Variants in STAT3 observed in about 807,000 individuals in gnomAD.
STAT3 encodes the protein DNA-binding protein APRF.
A neutral mutation model predicts 114.3 loss-of-function variants in STAT3; 7 were observed. The observed-to-expected ratio is 0.06, with a 90% CI of 0.03 to 0.11. The LOEUF is 0.11. STAT3 is among the 10% of genes least tolerant of loss of function. The pLI is 1.00. For missense variants in STAT3, 364 were observed against 960.9 expected, an observed-to-expected ratio of 0.38 and a Z score of 8.21; for synonymous variants, 331 against 354.5, an observed-to-expected ratio of 0.93 and a Z score of 0.74.
chr17:42,386,426 A>AT (rs2085109642), intron 1 of STAT3, among the ~76,000 whole-genome samples: 2 of 152,088 alleles, frequency 1.3e-5, no homozygotes, highest in Non-Finnish European at 2.9e-5. Context: ...TATTAGGGTA[A>AT]TTGTTATGTG....
chr17:42,372,865 A>C (rs966434613), intron 1 of STAT3, among the ~76,000 whole-genome samples: 1 of 152,086 alleles, frequency 6.6e-6, no homozygotes, highest in Non-Finnish European at 1.5e-5. Flanking sequence ...AATAATAATA[A>C]AATAAAAATA....
At chr17:42,351,643 C>G (rs1198789154) in intron 1 of STAT3, among the ~76,000 whole-genome samples, 2 of 152,184 alleles carry the variant, frequency 1.3e-5, no homozygotes, top group African/African-American at 4.8e-5. Flanking sequence ...CCTCATGTAT[C>G]AAGGGCTTAA....
At chr17:42,325,444 A>G (rs1384652462) in intron 15 of STAT3, among the ~76,000 whole-genome samples, 3 of 152,236 alleles carry the variant, frequency 2.0e-5, no homozygotes, top group South Asian at 4.1e-4. Flanking sequence ...TTTTCTAGGT[A>G]TATCTTAATT....
intron 1 of STAT3, among the ~76,000 whole-genome samples, chr17:42,359,631 T>C (rs2145145234): frequency 6.6e-6 from 1 of 152,326 alleles, no homozygotes; most frequent in Middle Eastern, 3.4e-3. Context: ...ATGATTTATA[T>C]AGCACTTTTT....
At chr17:42,335,742 T>C (rs2082203457) in intron 8 of STAT3, among the ~76,000 whole-genome samples, 1 of 152,096 alleles carries the variant, frequency 6.6e-6, no homozygotes, top group South Asian at 2.1e-4. Context: ...CATGGGCCTG[T>C]AATCCCAGCT....
In STAT3 at chr17:42,313,486, TA is replaced by T. The variant is rs751300490; in HGVS notation, c.*2258del. On this transcript the variant is annotated 3_prime_UTR_variant, in exon 24 of 24. Transcript: ENST00000264657. Reference sequence around the variant, plus strand: ...ATGCAGTGGCCAGGACAGCAGCTTATAAACCACCTTATAGGTAGGTAAGCAA... The same window carrying T: ...ATGCAGTGGCCAGGACAGCAGCTTATAACCACCTTATAGGTAGGTAAGCAA... 1 of 219,414 alleles carries T rather than the reference TA, an allele frequency of 4.6e-6. No homozygotes were observed. The highest frequency in any genetic ancestry group is 2.3e-5 in the African/African-American group (1 of 44,210). 13.6% of individuals were successfully genotyped at this position (219,414 alleles called of 1,614,324 possible). A position where few individuals can be genotyped will look rare whatever the true frequency, so the allele number is the denominator to read the frequency against.
At chr17:42,345,799 G>A in intron 3 of STAT3, 142 bp from the exon 4 acceptor site, 1 of 838,352 alleles carries the variant, frequency 1.2e-6, no homozygotes, top group Non-Finnish European at 1.9e-6. Flanking sequence ...CAGAGCCTGG[G>A]TGAAGGCTCT....
intron 17 of STAT3, 142 bp from the exon 18 acceptor site, chr17:42,323,767 G>C (rs918753458): frequency 1.2e-6 from 1 of 813,958 alleles, no homozygotes; most frequent in African/African-American, 1.7e-5. Context: ...AGGCACTGTT[G>C]TGTGTGTGCA....
chr17:42,326,032 T>G, intron 15 of STAT3, 84 bp downstream of exon 15: 2 of 1,233,420 alleles, frequency 1.6e-6, no homozygotes, highest in Non-Finnish European at 2.4e-6. Flanking sequence ...TCATTCCACC[T>G]TCTCTTGTAA....
intron 4 of STAT3, 86 bp from the exon 5 acceptor site, chr17:42,339,495 AC>A (rs2082355439): frequency 7.3e-7 from 1 of 1,367,516 alleles, no homozygotes; most frequent in Non-Finnish European, 1.0e-6. Context: ...CACCCTAACT[AC>A]CCTTCTTGTT....
At chr17:42,331,671 T>G in intron 10 of STAT3, 140 bp from the exon 11 acceptor site, 1 of 718,642 alleles carries the variant, frequency 1.4e-6, no homozygotes, top group Non-Finnish European at 2.4e-6. Context: ...CTCACATCTA[T>G]AATCTCAGCA....
At position 42,337,714 on chromosome 17, in the gene STAT3, C is replaced by CG. The variant is rs1226128834; in HGVS notation, c.645+48dup. 11 of 1,613,476 alleles carry CG rather than the reference C, an allele frequency of 6.8e-6. No individual in the cohort carries two copies. In the African/African-American group the frequency reaches 1.3e-4, roughly 20 times the overall value. On this transcript the variant is annotated intron_variant, in intron 7 of 23. Coordinates refer to ENST00000264657, the MANE Select transcript of STAT3 (RefSeq NM_139276.3). The surrounding 1 kb of genome is among the most constrained non-coding windows in gnomAD (Gnocchi z 4.0). ...GTTCTGCCACAAGACGCTGAAATCC[C>CG]GCAAGTGAGCGAGACACATGGGGGA...
chr17:42,337,395 G>C lies in STAT3; in HGVS notation c.797+40C>G. ...GCAGTTAAGATCAGAATTCAATCTA[G>C]CTTTCGAGAAAGAAAGGAAAAGCTT... On this transcript the variant is annotated intron_variant, in intron 8 of 23. Coordinates refer to ENST00000264657, the MANE Select transcript of STAT3 (RefSeq NM_139276.3). This position sits in a 1 kb window ranked among gnomAD's most constrained non-coding sequence, Gnocchi z 4.0. 1.2e-6 allele frequency: 2 copies of C among 1,610,826 alleles called. No individual in the cohort carries two copies. The highest frequency in any genetic ancestry group is 8.5e-7 in the Non-Finnish European group (1 of 1,177,526).
chr17:42,323,218 C>G (rs2144696364), intron 19 of STAT3, 42 bp downstream of exon 19: 1 of 1,614,144 alleles, frequency 6.2e-7, no homozygotes, highest in Non-Finnish European at 8.5e-7. Flanking sequence ...TTGCTGAGAG[C>G]AGGGGACTTG....
rs8075442 is a variant in STAT3, at chr17:42,331,385, C to T, written c.1109+87G>A. ...CAAAATGAAGATCTCTGAATAAAGA[C>T]AGAGTCTCTAGTTCAAATGATGTCT... On this transcript the variant is annotated intron_variant, in intron 11 of 23. Transcript: ENST00000264657. 29,277 of 1,212,324 alleles carry T rather than the reference C, an allele frequency of 0.024. 5,042 individuals carry two copies. The African/African-American group carries it at 0.39, about 16-fold the overall frequency. 75.1% of individuals were successfully genotyped at this position (1,212,324 alleles called of 1,614,324 possible).
At chr17:42,325,592 T>A (rs2081673504) in intron 15 of STAT3, among the ~76,000 whole-genome samples, 1 of 149,508 alleles carries the variant, frequency 6.7e-6, no homozygotes, top group Admixed American at 6.7e-5. Flanking sequence ...TGAGACGGAG[T>A]CTCACTCTGT....
In STAT3 at chr17:42,324,643, A is replaced by G. The variant is rs1018505049; in HGVS notation, c.1600+68T>C. The G allele has an allele frequency of 9.0e-5, 135 of 1,500,490 alleles. No homozygotes were observed. The highest frequency in any genetic ancestry group is 1.2e-4 in the Non-Finnish European group (132 of 1,126,456). The allele number at this position is 1,500,490 out of a possible 1,614,324, so 92.9% of individuals were successfully genotyped here. ...ATGCTCAGTAGACATGGCCCAAATGAACAGCCCTATGGGCCGGATCCCTTT... is the reference window on the plus strand; with the variant it reads ...ATGCTCAGTAGACATGGCCCAAATGGACAGCCCTATGGGCCGGATCCCTTT... On this transcript the variant is annotated intron_variant, in intron 17 of 23. Coordinates refer to ENST00000264657, the MANE Select transcript of STAT3 (RefSeq NM_139276.3). The surrounding 1 kb of genome is among the most constrained non-coding windows in gnomAD (Gnocchi z 4.5).
In STAT3 at chr17:42,314,774, T is replaced by C. The variant is rs958699777; in HGVS notation, c.*971A>G. The C allele has an allele frequency of 1.3e-4, 27 of 213,670 alleles. No homozygotes were observed. Among genetic ancestry groups the C allele is most frequent in the Admixed American group, 4.7e-4 (8 of 17,080 alleles). The allele number at this position is 213,670 out of a possible 1,614,324, so 13.2% of individuals were successfully genotyped here. ...TCTTAAGGGTTTGACCTGAAGCCCG[T>C]TTCAGGGATTATATAAATTACCAGC... On this transcript the variant is annotated 3_prime_UTR_variant, in exon 24 of 24. Coordinates refer to ENST00000264657, the MANE Select transcript of STAT3 (RefSeq NM_139276.3).
At chr17:42,372,470 G>A (rs982249585) in intron 1 of STAT3, among the ~76,000 whole-genome samples, 1 of 152,196 alleles carries the variant, frequency 6.6e-6, no homozygotes, top group African/African-American at 2.4e-5. Flanking sequence ...GCTACACACT[G>A]TATGTCCAAC....
Sources: allele counts gnomAD v4.1 joint callset (sites outside exome capture counted in the v4.1 genomes callset), GRCh38; gene constraint gnomAD v4.1.1; non-coding constraint Gnocchi (gnomAD v3.1); transcripts MANE v1.5; gene names NCBI Gene and HGNC (gene_info 2026-07-23, HGNC 2026-07-21).